Variants in RAET1E observed in about 807,000 individuals in gnomAD.
The protein encoded by RAET1E is retinoic acid early transcript 1E, also known as NKG2D ligand 4.
In RAET1E, 27 loss-of-function variants were observed where a neutral mutation model predicts 21.1. The observed-to-expected ratio is 1.28, with a 90% confidence interval of 0.94 to 1.76. RAET1E has a LOEUF of 1.76. RAET1E is among the 40% of genes most tolerant of loss of function. RAET1E has a pLI of 0.00. For synonymous variants in RAET1E, 113 were observed against 115.0 expected (o/e 0.98, Z 0.11); for missense variants, 310 against 311.3 (o/e 1.00, Z 0.03).
intron 2 of RAET1E, 79 bp from the exon 3 acceptor site, chr6:149,891,113 A>G (rs922643258): frequency 4.2e-6 from 2 of 476,678 alleles, no homozygotes; most frequent in Non-Finnish European, 7.5e-6. Flanking sequence ...TTATTGAAAA[A>G]TAAAAGAAGA....
In RAET1E at chr6:149,889,859, G is replaced by A. The variant is rs375235662; in HGVS notation, c.346+26C>T. On this transcript the variant is annotated intron_variant, in intron 4 of 5. Transcript: ENST00000357183. ...CTCCCCTCTCTTACTGCCTGCCTCT[G>A]TTTGCCCACCCCATTCCACACTTAC... The A allele has an allele frequency of 1.0e-4, 164 of 1,604,982 alleles. 1 individual carries two copies. In the African/African-American group the frequency reaches 1.5e-3, roughly 14 times the overall value.
chr6:149,889,282 A>G (rs779857190), intron 5 of RAET1E, 66 bp downstream of exon 5: 119 of 1,587,068 alleles, frequency 7.5e-5, no homozygotes, highest in Non-Finnish European at 1.0e-4. Context: ...ACACACTGAC[A>G]CCCACACAGG....
At chr6:149,894,226 CCT>C (rs1361421017) in intron 2 of RAET1E, among the ~76,000 whole-genome samples, 1 of 152,004 alleles carries the variant, frequency 6.6e-6, no homozygotes, top group African/African-American at 2.4e-5. Context: ...GGGAGGATTC[CCT>C]CTTTTTCTAT....
At position 149,884,326 on chromosome 6, in the gene RAET1E, C is replaced by T. The variant is rs1244997130; in HGVS notation, c.*4172G>A. The T allele has an allele frequency of 2.0e-4, 126 of 629,322 alleles. No individual in the cohort carries two copies. Among genetic ancestry groups the T allele is most frequent in the East Asian group, 5.6e-5 (2 of 35,604 alleles). 39.0% of individuals were successfully genotyped at this position (629,322 alleles called of 1,614,324 possible). On this transcript the variant is annotated 3_prime_UTR_variant, in exon 6 of 6. Coordinates refer to ENST00000357183, the MANE Select transcript of RAET1E (RefSeq NM_001394057.1). ...GAAAAAAAATTTTTTTTTTTTGAGA[C>T]GGAGTCTTGCTCTGTTGCCAAGACT... is the stretch of plus-strand genomic sequence containing the variant.
In RAET1E at chr6:149,883,880, T is replaced by C. The variant is rs1025805546; in HGVS notation, c.*4618A>G. On this transcript the variant is annotated 3_prime_UTR_variant, in exon 6 of 6. Coordinates refer to ENST00000357183, the MANE Select transcript of RAET1E (RefSeq NM_001394057.1). ...TATGAGTAACTTAGTCTGTGAGAAA[T>C]GGTGAATGCAGAAAACTGCCTCACA... 3 of 153,170 alleles carry C rather than the reference T, an allele frequency of 2.0e-5. No individual in the cohort carries two copies. Among genetic ancestry groups the C allele is most frequent in the African/African-American group, 7.2e-5 (3 of 41,586 alleles). The allele number at this position is 153,170 out of a possible 1,614,324, so 9.5% of individuals were successfully genotyped here.
rs1470895899 is a variant in RAET1E at position 149,884,124 on chromosome 6, G to A, written c.*4374C>T. ...TCTCCCTCTCACACATAGAGGAGGG[G>A]GTGTTAGAACCAGGTGGGCTGGTGG... On this transcript the variant is annotated 3_prime_UTR_variant, in exon 6 of 6. Transcript: ENST00000357183. 1 of 227,100 alleles carries A rather than the reference G, an allele frequency of 4.4e-6. No individual in the cohort carries two copies. Among genetic ancestry groups the A allele is most frequent in the Non-Finnish European group, 8.8e-6 (1 of 114,086 alleles). 14.1% of individuals were successfully genotyped at this position (227,100 alleles called of 1,614,324 possible).
rs9969044 is a variant in RAET1E, at chr6:149,888,068, A to G, written c.*430T>C. The G allele has an allele frequency of 0.4, 169,932 of 420,834 alleles. 37,574 individuals are homozygous for G. Among genetic ancestry groups the G allele is most frequent in the East Asian group, 0.89 (12,503 of 14,064 alleles). 26.1% of individuals were successfully genotyped at this position (420,834 alleles called of 1,614,324 possible). On this transcript the variant is annotated 3_prime_UTR_variant, in exon 6 of 6. Transcript: ENST00000357183. Reference sequence around the variant, plus strand: ...AATGTAGGATGTAGTTCGGCACTGTAATGTTTAGAGGGTGGTGAAAGGATT... The same window carrying G: ...AATGTAGGATGTAGTTCGGCACTGTGATGTTTAGAGGGTGGTGAAAGGATT...
Position 149,888,528 on chromosome 6 carries a change from C to T in RAET1E, c.762G>A (p.Gln254=). 2 of 1,613,634 alleles carry T rather than the reference C, an allele frequency of 1.2e-6. No individual in the cohort carries two copies. Among genetic ancestry groups the T allele is most frequent in the Non-Finnish European group, 1.7e-6 (2 of 1,179,948 alleles). ...ACGTCCTCAAGGGCCAGAGACCAGC[C>T]TGCCACTCACCATTTTGCCACCAGA... The part of the protein sequence containing the change: ...ICVWWQNGEW[Q]AGLWPLRTS The change falls in exon 6 of 6, where the codon CAG becomes CAA. Residue 254 remains glutamine (Q), a synonymous_variant. Transcript: ENST00000357183.
At chr6:149,890,363 G>A (rs1777834995) in intron 3 of RAET1E, among the ~76,000 whole-genome samples, 3 of 152,152 alleles carry the variant, frequency 2.0e-5, no homozygotes, top group Admixed American at 6.5e-5. Context: ...GGTGCACTTA[G>A]TGTTAATGGT....
At chr6:149,891,484 TTGTG>T (rs58899076) in intron 2 of RAET1E, among the ~76,000 whole-genome samples, 16 of 149,910 alleles carry the variant, frequency 1.1e-4, no homozygotes, top group African/African-American at 3.2e-4. Context: ...CAGATGGGTT[TTGTG>T]TGTGTGTGTG....
chr6:149,890,065 A>G lies in RAET1E; in HGVS notation c.166T>C (p.Leu56=), dbSNP rs370045837. The G allele has an allele frequency of 2.2e-5, 35 of 1,614,020 alleles. No homozygotes were observed. Among genetic ancestry groups the G allele is most frequent in the Non-Finnish European group, 2.6e-5 (31 of 1,180,002 alleles). The change falls in exon 4 of 6, where the codon TTG becomes CTG. Residue 56 remains leucine (L), a synonymous_variant. Transcript: ENST00000357183. Reference sequence around the variant, plus strand: ...TACTGAAGGAAAAGATTTTTATTCAAGAAGACCTGCGCTTCACACCAGGGC... The same window carrying G: ...TACTGAAGGAAAAGATTTTTATTCAGGAAGACCTGCGCTTCACACCAGGGC... ...GQPWCEAQVF[L]NKNLFLQYNS...
rs1554263139 is a variant in RAET1E, at chr6:149,888,682, A to AG, written c.623-16_623-15insC. 1.2e-5 allele frequency: 18 copies of AG among 1,555,534 alleles called. No individual in the cohort carries two copies. The highest frequency in any genetic ancestry group is 2.3e-5 in the East Asian group (1 of 43,318). ...TACTGGTGACACTAAAAAAAAAAAA[A>AG]AAAAGAAAAAAAAGCACAAGCCCTG... On this transcript the variant is annotated splice_polypyrimidine_tract_variant and intron_variant, in intron 5 of 5. Transcript: ENST00000357183.
In RAET1E at chr6:149,887,512, G is replaced by A. The variant is rs1777660871; in HGVS notation, c.*986C>T. ...CCAAGCCTGTTGTGACACCGATCTT[G>A]GCAAACTCACTTTTCATGTCAGGGC... On this transcript the variant is annotated 3_prime_UTR_variant, in exon 6 of 6. Coordinates refer to ENST00000357183, the MANE Select transcript of RAET1E (RefSeq NM_001394057.1). Among the ~76,000 whole-genome samples, 1 of 152,166 alleles carries A rather than the reference G, an allele frequency of 6.6e-6. No homozygotes were observed. The highest frequency in any genetic ancestry group is 6.5e-5 in the Admixed American group (1 of 15,276).
At chr6:149,892,838 T>C (rs1777963885) in intron 2 of RAET1E, among the ~76,000 whole-genome samples, 1 of 152,214 alleles carries the variant, frequency 6.6e-6, no homozygotes, top group South Asian at 2.1e-4. Flanking sequence ...TATGGTCCTA[T>C]GTCTTATGTT....
intron 2 of RAET1E, among the ~76,000 whole-genome samples, chr6:149,892,954 A>C (rs1180103056): frequency 6.6e-6 from 1 of 152,216 alleles, no homozygotes; most frequent in Admixed American, 6.5e-5. Flanking sequence ...ACCATTTATT[A>C]AACAGGGGAT....
chr6:149,892,296 A>G (rs1263204703), intron 2 of RAET1E, among the ~76,000 whole-genome samples: 1 of 152,098 alleles, frequency 6.6e-6, no homozygotes, highest in Non-Finnish European at 1.5e-5. Flanking sequence ...GTCTTCCACA[A>G]TGTTTGAACT....
rs1777817124 is a variant in RAET1E at position 149,890,093 on chromosome 6, TC to T, written c.137del (p.Gly46AspfsTer11). 1 of 1,614,046 alleles carries T rather than the reference TC, an allele frequency of 6.2e-7. No homozygotes were observed. The highest frequency in any genetic ancestry group is 2.2e-5 in the East Asian group (1 of 44,882). On this transcript the variant is annotated frameshift_variant, in exon 4 of 6. Transcript: ENST00000357183. LOFTEE classifies it high-confidence loss of function. The part of the protein sequence containing the change: ...NFTIKSLSRP[G>X]QPWCEAQVFL... ...AGACCTGCGCTTCACACCAGGGCTGTCCAGGTCTGGACAATGATTTTATAGT... is the reference window on the plus strand; with the variant it reads ...AGACCTGCGCTTCACACCAGGGCTGTCAGGTCTGGACAATGATTTTATAGT...
Position 149,887,119 on chromosome 6 carries a change from G to A in RAET1E, c.*1379C>T, listed in dbSNP as rs774596112. On this transcript the variant is annotated 3_prime_UTR_variant, in exon 6 of 6. Coordinates refer to ENST00000357183, the MANE Select transcript of RAET1E (RefSeq NM_001394057.1). ...CCAGACAGGAAGCCCTTCAGCAGCC[G>A]ACTCGGTTACCAGGATGAGGCTAGA... 2.0e-5 allele frequency among the ~76,000 whole-genome samples: 3 copies of A among 152,192 alleles called. No homozygotes were observed. The highest frequency in any genetic ancestry group is 2.4e-5 in the African/African-American group (1 of 41,442).
chr6:149,890,677 T>C, intron 3 of RAET1E, 140 bp downstream of exon 3: 1 of 643,622 alleles, frequency 1.6e-6, no homozygotes, highest in Admixed American at 2.2e-5. Context: ...GGGTGTAACA[T>C]CCCAGGGATC....
Sources: gnomAD v4.1 joint callset for allele counts (sites outside exome capture counted in the v4.1 genomes callset) on GRCh38, gnomAD v4.1.1 for gene constraint, MANE v1.5 for transcripts, NCBI Gene and HGNC (gene_info 2026-07-23, HGNC 2026-07-21) for gene names.